The following RUNDC3B variants were observed in gnomAD, a reference collection of about 807,000 sequenced individuals.
RUNDC3B encodes RUN domain containing 3B.
A neutral mutation model predicts 58.4 loss-of-function variants in RUNDC3B; 33 were observed. That is an observed-to-expected ratio of 0.56 (90% confidence interval 0.43 to 0.75). RUNDC3B has a LOEUF of 0.75. Ranked by LOEUF, RUNDC3B falls within the 30% of genes least tolerant of loss-of-function variation. The pLI, the probability that RUNDC3B is intolerant of heterozygous loss-of-function variation, is 0.00. For missense variants in RUNDC3B, 501 were observed against 535.7 expected (o/e 0.94, Z 0.64); for synonymous variants, 193 against 195.2 (o/e 0.99, Z 0.10).
chr7:87,738,906 T>G (rs1008942374), intron 4 of RUNDC3B, among the ~76,000 whole-genome samples: 1 of 151,940 alleles, frequency 6.6e-6, no homozygotes, highest in Non-Finnish European at 1.5e-5. Flanking sequence ...GCAAGACCTT[T>G]GATTTACTAA....
In RUNDC3B at chr7:87,635,218, A is replaced by G. The variant is rs1821640858; in HGVS notation, c.122+6273A>G. Reference sequence around the variant, plus strand: ...AAGCATCAGAGAGAATTGGGTATGTAGACTGCATTGCTCCACACTCTTCTA... The same window carrying G: ...AAGCATCAGAGAGAATTGGGTATGTGGACTGCATTGCTCCACACTCTTCTA... On this transcript the variant is annotated intron_variant, in intron 1 of 10. Transcript: ENST00000394654. Among the ~76,000 whole-genome samples the G allele has an allele frequency of 2.0e-5, 3 of 152,252 alleles. No individual in the cohort carries two copies. In the South Asian group the frequency reaches 6.2e-4, roughly 32 times the overall value.
intron 6 of RUNDC3B, among the ~76,000 whole-genome samples, chr7:87,749,698 G>A (rs1832849440): frequency 1.3e-5 from 2 of 151,878 alleles, no homozygotes; most frequent in East Asian, 1.9e-4. Context: ...TATTTAGGAA[G>A]TAATACATAT....
intron 8 of RUNDC3B, among the ~76,000 whole-genome samples, chr7:87,796,637 C>T (rs939358203): frequency 2.6e-5 from 4 of 152,064 alleles, no homozygotes; most frequent in Admixed American, 2.6e-4. Flanking sequence ...GGCCAGAAGG[C>T]AGTGGGCAAA....
chr7:87,739,681 TTAAA>T, intron 4 of RUNDC3B, 106 bp from the exon 5 acceptor site: 1 of 438,276 alleles, frequency 2.3e-6, no homozygotes, highest in Non-Finnish European at 4.0e-6. Context: ...AAAATACAAA[TTAAA>T]TAAAATTTAG....
chr7:87,697,145 C>A (rs190730014), intron 2 of RUNDC3B, among the ~76,000 whole-genome samples: 1 of 152,160 alleles, frequency 6.6e-6, no homozygotes, highest in Admixed American at 6.5e-5. Context: ...TTCCTTAAAA[C>A]GGAAAATCTT....
At chr7:87,753,781 A>G (rs527396242) in intron 6 of RUNDC3B, among the ~76,000 whole-genome samples, 103 of 152,290 alleles carry the variant, frequency 6.8e-4, no homozygotes, top group African/African-American at 2.4e-3. Context: ...AAACCTGGAA[A>G]TGTATGCTAG....
At chr7:87,825,327 G>T (rs577575783) in intron 10 of RUNDC3B, among the ~76,000 whole-genome samples, 1 of 152,184 alleles carries the variant, frequency 6.6e-6, no homozygotes, top group African/African-American at 2.4e-5. Context: ...GACAATGGGA[G>T]AAATGTCTAA....
At chr7:87,703,794 T>TTTACTTAC (rs1216800015) in intron 3 of RUNDC3B, among the ~76,000 whole-genome samples, 9 of 149,004 alleles carry the variant, frequency 6.0e-5, no homozygotes, top group African/African-American at 1.2e-4. Flanking sequence ...TTTTAATTCA[T>TTTACTTAC]TTACTTACTT....
intron 4 of RUNDC3B, among the ~76,000 whole-genome samples, chr7:87,725,087 T>C (rs1321601956): frequency 6.6e-6 from 1 of 152,186 alleles, no homozygotes; most frequent in East Asian, 1.9e-4. Context: ...ATACTAATTT[T>C]AATGTGATTG....
At chr7:87,632,186 AC>A (rs1821291583) in intron 1 of RUNDC3B, among the ~76,000 whole-genome samples, 1 of 150,656 alleles carries the variant, frequency 6.6e-6, no homozygotes, top group Non-Finnish European at 1.5e-5. Flanking sequence ...GTTTTTCCTT[AC>A]CCCTTAAACA....
At chr7:87,732,813 G>A (rs1335923393) in intron 4 of RUNDC3B, among the ~76,000 whole-genome samples, 7 of 152,328 alleles carry the variant, frequency 4.6e-5, no homozygotes, top group Middle Eastern at 3.4e-3. Flanking sequence ...ACATTTGTAT[G>A]TAGAAGTACA....
chr7:87,759,674 T>C (rs1016982785), intron 6 of RUNDC3B, among the ~76,000 whole-genome samples: 4 of 151,952 alleles, frequency 2.6e-5, no homozygotes, highest in Admixed American at 6.6e-5. Context: ...GGTGTTTTCC[T>C]GTAGTCCTAG....
intron 9 of RUNDC3B, among the ~76,000 whole-genome samples, chr7:87,815,412 C>T (rs974034271): frequency 6.6e-6 from 1 of 151,918 alleles, no homozygotes; most frequent in Non-Finnish European, 1.5e-5. Flanking sequence ...AATGTAACAC[C>T]AAAGCTGCAA....
chr7:87,708,341 T>C (rs142654190), intron 3 of RUNDC3B, among the ~76,000 whole-genome samples: 1 of 152,244 alleles, frequency 6.6e-6, no homozygotes, highest in East Asian at 1.9e-4. Flanking sequence ...TTAAAAATCC[T>C]AAAAGAGGAT....
At chr7:87,823,253 C>T (rs1837592806) in intron 10 of RUNDC3B, among the ~76,000 whole-genome samples, 1 of 151,998 alleles carries the variant, frequency 6.6e-6, no homozygotes, top group African/African-American at 2.4e-5. Context: ...ATTTTTTCCA[C>T]AAGCCTGATT....
chr7:87,709,570 G>A (rs1325059427), intron 3 of RUNDC3B: 12 of 948,830 alleles, frequency 1.3e-5, no homozygotes, highest in Non-Finnish European at 1.3e-5. Context: ...CAGTAGTACT[G>A]CTGCTTCTAG....
intron 6 of RUNDC3B, among the ~76,000 whole-genome samples, chr7:87,743,234 G>C (rs1302343081): frequency 6.6e-6 from 1 of 152,156 alleles, no homozygotes; most frequent in Non-Finnish European, 1.5e-5. Flanking sequence ...CATTTGGGTT[G>C]GTTCCACGAT....
chr7:87,741,425 G>T, intron 5 of RUNDC3B, 74 bp from the exon 6 acceptor site: 1 of 860,852 alleles, frequency 1.2e-6, no homozygotes, highest in Non-Finnish European at 1.7e-6. Flanking sequence ...TCTGGCAAGA[G>T]ATTTTTCATG....
chr7:87,783,682 C>G (rs1455899937), intron 8 of RUNDC3B, among the ~76,000 whole-genome samples: 3 of 152,168 alleles, frequency 2.0e-5, no homozygotes, highest in African/African-American at 7.2e-5. Flanking sequence ...GGATCTCTTG[C>G]AAGGCTGGTC....
Sources: allele counts gnomAD v4.1 joint callset (sites outside exome capture counted in the v4.1 genomes callset), GRCh38; gene constraint gnomAD v4.1.1; transcripts MANE v1.5; gene names NCBI Gene and HGNC (gene_info 2026-07-23, HGNC 2026-07-21).